The following RAB44 variants were observed in gnomAD, a reference collection of about 807,000 sequenced individuals.
RAB44 encodes ras-related protein Rab-44.
A neutral mutation model predicts 93.3 loss-of-function variants in RAB44; 67 were observed. The ratio of observed to expected loss-of-function variants is 0.72; its 90% CI spans 0.59 to 0.88. The LOEUF is 0.88. Among genes scored for constraint, RAB44 ranks in the 40% least tolerant of loss-of-function variants. RAB44 has a pLI of 0.00. For synonymous variants in RAB44, 427 were observed against 520.3 expected, an observed-to-expected ratio of 0.82 and a Z score of 2.44; for missense variants, 1,064 against 1,261.7, an observed-to-expected ratio of 0.84 and a Z score of 2.37.
chr6:36,702,609 C>T (rs558220230), intron 1 of RAB44, among the ~76,000 whole-genome samples: 2 of 152,340 alleles, frequency 1.3e-5, no homozygotes, highest in Admixed American at 1.3e-4. Context: ...GATTCCTTCA[C>T]ACACACTGTT....
chr6:36,713,795 G>A, intron 2 of RAB44, 33 bp from the exon 3 acceptor site: 2 of 1,393,274 alleles, frequency 1.4e-6, no homozygotes. Flanking sequence ...TTCCCCGGTG[G>A]GAACACCTGC....
At chr6:36,726,595 G>A (rs1489717126) in intron 10 of RAB44, among the ~76,000 whole-genome samples, 1 of 152,084 alleles carries the variant, frequency 6.6e-6, no homozygotes, top group East Asian at 1.9e-4. Flanking sequence ...TCCACTTCTA[G>A]AAATTCATTC....
At chr6:36,704,534 C>A in intron 2 of RAB44, 92 bp downstream of exon 2, 3 of 1,160,386 alleles carry the variant, frequency 2.6e-6, no homozygotes, top group Non-Finnish European at 3.7e-6. Context: ...GGGCTTGCTA[C>A]CCCTGCCCCT....
chr6:36,708,341 T>C (rs904734589), intron 2 of RAB44, among the ~76,000 whole-genome samples: 3 of 152,222 alleles, frequency 2.0e-5, no homozygotes, highest in Non-Finnish European at 4.4e-5. Context: ...AAATTTAGCC[T>C]AGGAAAGCCT....
At position 36,713,865 on chromosome 6, in the gene RAB44, C is replaced by G. The variant is rs1762845489; in HGVS notation, c.245C>G (p.Ser82Ter). The G allele has an allele frequency of 6.5e-7, 1 of 1,535,960 alleles. No individual in the cohort carries two copies. The highest frequency in any genetic ancestry group is 2.0e-5 in the Admixed American group (1 of 50,980). The change falls in exon 3 of 14, where the codon TCA (serine) becomes TGA (stop). Residue 82 changes from serine to a stop codon, truncating the protein, a stop_gained. Coordinates refer to ENST00000612677, the MANE Select transcript of RAB44 (RefSeq NM_001257357.2). LOFTEE classifies it high-confidence loss of function. ...AGCTTCCTGGGCAGCAAGGAAGAGTCAGAGATGATCTTCGACTGGGTGGAT... is the reference window on the plus strand; with the variant it reads ...AGCTTCCTGGGCAGCAAGGAAGAGTGAGAGATGATCTTCGACTGGGTGGAT... Reference protein sequence around the residue: ...KFSFLGSKEESEMIFDWVDVE... With the variant: ...KFSFLGSKEE
intron 2 of RAB44, among the ~76,000 whole-genome samples, chr6:36,707,906 A>G (rs969937991): frequency 1.3e-5 from 2 of 152,188 alleles, no homozygotes; most frequent in African/African-American, 4.8e-5. Flanking sequence ...CAACTATTTC[A>G]TAATGGTTTG....
chr6:36,703,641 G>T (rs115236479), intron 1 of RAB44, among the ~76,000 whole-genome samples: 1,555 of 152,176 alleles, frequency 0.01, 39 homozygotes, highest in African/African-American at 0.034. Flanking sequence ...CCGCATAGGG[G>T]TGCTACTGAT....
Position 36,720,357 on chromosome 6 carries a change from C to T in RAB44, c.829-6C>T, listed in dbSNP as rs1250030726. The T allele has an allele frequency of 5.7e-6, 7 of 1,232,264 alleles. No homozygotes were observed. 76.3% of individuals were successfully genotyped at this position (1,232,264 alleles called of 1,614,324 possible). On this transcript the variant is annotated splice_polypyrimidine_tract_variant and splice_region_variant and intron_variant, in intron 7 of 13. Coordinates refer to ENST00000612677, the MANE Select transcript of RAB44 (RefSeq NM_001257357.2). ...GCTTCTCTCCGCCTCACCCTCCACC[C>T]TGCAGCTGGAGGCCCAGCTCTCCCA...
chr6:36,704,110 T>C, intron 1 of RAB44, 114 bp from the exon 2 acceptor site: 1 of 969,160 alleles, frequency 1.0e-6, no homozygotes, highest in Non-Finnish European at 1.5e-6. Context: ...AGGCCGGGCT[T>C]TGGCAGCCAC....
At chr6:36,703,636 TA>T (rs1378932067) in intron 1 of RAB44, among the ~76,000 whole-genome samples, 1 of 151,962 alleles carries the variant, frequency 6.6e-6, no homozygotes, top group Non-Finnish European at 1.5e-5. Flanking sequence ...AAGAGCCGCA[TA>T]GGGGTGCTAC....
In RAB44 at chr6:36,731,311, T is replaced by C. The variant is rs1763359711; in HGVS notation, c.2975+562T>C. 6.6e-6 allele frequency among the ~76,000 whole-genome samples: 1 copy of C among 152,154 alleles called. No homozygotes were observed. The highest frequency in any genetic ancestry group is 6.5e-5 in the Admixed American group (1 of 15,282). On this transcript the variant is annotated intron_variant, in intron 13 of 13. Coordinates refer to ENST00000612677, the MANE Select transcript of RAB44 (RefSeq NM_001257357.2). This position sits in a 1 kb window ranked among gnomAD's most constrained non-coding sequence, Gnocchi z 4.0. ...CTGTTTGTGTCCTTCATGGCCCTTC[T>C]TGACACGACACATATTAATGATATA...
intron 2 of RAB44, among the ~76,000 whole-genome samples, chr6:36,712,617 G>A (rs538088207): frequency 2.6e-5 from 4 of 151,992 alleles, no homozygotes; most frequent in Admixed American, 6.6e-5. Flanking sequence ...TGCCCGCCTC[G>A]GCCTCTCAAA....
Position 36,720,441 on chromosome 6 carries a change from C to A in RAB44, c.907C>A (p.Arg303Ser), listed in dbSNP as rs750299026. 5 of 1,232,766 alleles carry A rather than the reference C, an allele frequency of 4.1e-6. No individual in the cohort carries two copies. The highest frequency in any genetic ancestry group is 4.0e-6 in the Non-Finnish European group (4 of 988,374). 76.4% of individuals were successfully genotyped at this position (1,232,766 alleles called of 1,614,324 possible). Residue 303 changes from arginine (R) to serine (S), a missense_variant, in exon 8 of 14, where the codon CGT (arginine) becomes AGT (serine). Coordinates refer to ENST00000612677, the MANE Select transcript of RAB44 (RefSeq NM_001257357.2). Reference protein sequence around the residue: ...SENQQLQEAKRDLAGRLEEVR... With the variant: ...SENQQLQEAKSDLAGRLEEVR... ...GAACCAGCAGCTGCAGGAGGCCAAG[C>A]GTGACCTGGCTGGGCGGCTGGAGGA...
intron 1 of RAB44, among the ~76,000 whole-genome samples, chr6:36,698,505 C>T (rs530153170): frequency 2.6e-5 from 4 of 152,262 alleles, no homozygotes; most frequent in African/African-American, 4.8e-5. Context: ...AGTGGATTCC[C>T]GCAGGTGCTT....
At chr6:36,705,983 T>G (rs940429936) in intron 2 of RAB44, among the ~76,000 whole-genome samples, 12 of 151,746 alleles carry the variant, frequency 7.9e-5, no homozygotes, top group Non-Finnish European at 1.6e-4. Flanking sequence ...CACTGCAACC[T>G]CAAGCTCCTG....
At chr6:36,723,942 G>C (rs1763166267) in intron 9 of RAB44, among the ~76,000 whole-genome samples, 1 of 151,460 alleles carries the variant, frequency 6.6e-6, no homozygotes, top group Non-Finnish European at 1.5e-5. Context: ...ATGCCGACTG[G>C]GGATCAGAGC....
At chr6:36,727,002 T>C (rs755354514) in intron 10 of RAB44, among the ~76,000 whole-genome samples, 28 of 129,510 alleles carry the variant, frequency 2.2e-4, no homozygotes, top group Non-Finnish European at 4.9e-4. Flanking sequence ...GGTTTCACCA[T>C]GTTGGCCAGG....
At chr6:36,698,088 T>C (rs1333132149) in intron 1 of RAB44, among the ~76,000 whole-genome samples, 173 bp downstream of exon 1, 1 of 152,130 alleles carries the variant, frequency 6.6e-6, no homozygotes, top group Non-Finnish European at 1.5e-5. Flanking sequence ...GGAAAGCACT[T>C]GGGCAAGAGG....
intron 3 of RAB44, among the ~76,000 whole-genome samples, chr6:36,714,642 G>A (rs1420612227): frequency 6.6e-6 from 1 of 152,232 alleles, no homozygotes; most frequent in Admixed American, 6.5e-5. Flanking sequence ...CTGAGAGTGG[G>A]GAGGAGAACT....
Sources: allele counts gnomAD v4.1 joint callset (sites outside exome capture counted in the v4.1 genomes callset), GRCh38; gene constraint gnomAD v4.1.1; non-coding constraint Gnocchi (gnomAD v3.1); transcripts MANE v1.5; gene names NCBI Gene and HGNC (gene_info 2026-07-23, HGNC 2026-07-21).